The following ATG14 variants were observed in gnomAD, a reference collection of about 807,000 sequenced individuals.
The protein encoded by ATG14 is autophagy related 14, also known as beclin 1-associated autophagy-related key regulator.
Under a neutral mutation model 60.4 loss-of-function variants are expected in ATG14, and 35 were observed. The observed-to-expected ratio is 0.58, with a 90% CI of 0.44 to 0.77. The LOEUF (loss-of-function observed/expected upper bound fraction) is 0.77. ATG14 is among the 30% of genes least tolerant of loss of function. ATG14 has a pLI of 0.00. For synonymous variants in ATG14, 234 were observed against 228.8 expected (o/e 1.02, Z -0.21); for missense variants, 647 against 626.3 (o/e 1.03, Z -0.35).
chr14:55,379,859 T>C (rs1884995200), intron 7 of ATG14, among the ~76,000 whole-genome samples: 1 of 152,326 alleles, frequency 6.6e-6, no homozygotes, highest in East Asian at 1.9e-4. Context: ...ATAGCTGGGA[T>C]ACAGGCGCAG....
intron 1 of ATG14, among the ~76,000 whole-genome samples, chr14:55,402,927 ATATATAT>A (rs1212359535): frequency 2.2e-4 from 2 of 8,920 alleles, no homozygotes; most frequent in African/African-American, 6.6e-4. Flanking sequence ...AAAAAAAAAA[ATATATAT>A]ATATATATAT....
chr14:55,375,490 A>AATTTTTTTTTTTTTTT (rs1555341540), intron 9 of ATG14, among the ~76,000 whole-genome samples: 1 of 117,798 alleles, frequency 8.5e-6, no homozygotes. Context: ...GCCGGGCTAA[A>AATTTTTTTTTTTTTTT]TTTTTTTTTT....
At position 55,367,219 on chromosome 14, in the gene ATG14, C is replaced by CA. The variant is rs1884699101; in HGVS notation, c.*2399dup. 3 of 152,338 alleles carry CA rather than the reference C, an allele frequency of 2.0e-5. No homozygotes were observed. In the South Asian group the frequency reaches 6.2e-4, roughly 32 times the overall value. 9.4% of individuals were successfully genotyped at this position (152,338 alleles called of 1,614,324 possible). On this transcript the variant is annotated 3_prime_UTR_variant, in exon 10 of 10. Coordinates refer to ENST00000247178, the MANE Select transcript of ATG14 (RefSeq NM_014924.5). ...CTGTTGTGCATCTCTCAGCTGAAGTCAGTCTCCACCACCAAGCTCCAAATC... is the reference window on the plus strand; with the variant it reads ...CTGTTGTGCATCTCTCAGCTGAAGTCAAGTCTCCACCACCAAGCTCCAAATC...
At chr14:55,398,700 T>G (rs1056351684) in intron 1 of ATG14, among the ~76,000 whole-genome samples, 10 of 152,286 alleles carry the variant, frequency 6.6e-5, no homozygotes, top group African/African-American at 2.4e-4. Flanking sequence ...GTGGAGAAAG[T>G]TCCACGCGTA....
chr14:55,406,026 C>A (rs1051391074), intron 1 of ATG14, among the ~76,000 whole-genome samples: 3 of 151,998 alleles, frequency 2.0e-5, no homozygotes, highest in African/African-American at 7.2e-5. Context: ...CATCGAACAA[C>A]GACAAAAAAA....
rs1470110428 is a variant in ATG14, at chr14:55,368,166, T to C, written c.*1453A>G. On this transcript the variant is annotated 3_prime_UTR_variant, in exon 10 of 10. Transcript: ENST00000247178. ...CTCTCATTATAGTTTTCTTGTAAGA[T>C]TGTCACTAAAAGAATGACAAGACAC... 1 of 152,668 alleles carries C rather than the reference T, an allele frequency of 6.6e-6. No homozygotes were observed. Among genetic ancestry groups the C allele is most frequent in the Non-Finnish European group, 1.5e-5 (1 of 68,040 alleles). 9.5% of individuals were successfully genotyped at this position (152,668 alleles called of 1,614,324 possible).
chr14:55,388,411 T>C (rs1335536865), intron 4 of ATG14, among the ~76,000 whole-genome samples: 2 of 152,168 alleles, frequency 1.3e-5, no homozygotes. Flanking sequence ...CAGCAGGCAG[T>C]CATCCTCTCT....
chr14:55,374,020 C>T (rs1212031867), intron 9 of ATG14, among the ~76,000 whole-genome samples: 1 of 152,138 alleles, frequency 6.6e-6, no homozygotes, highest in African/African-American at 2.4e-5. Context: ...GTGCAATTCT[C>T]AATGGAAAAC....
At chr14:55,394,804 T>A in intron 3 of ATG14, 1 of 254,710 alleles carries the variant, frequency 3.9e-6, no homozygotes, top group Non-Finnish European at 7.7e-6. Flanking sequence ...TTAGTATGCC[T>A]GGTATTATAG....
chr14:55,375,912 T>C (rs565846250), intron 9 of ATG14, among the ~76,000 whole-genome samples: 5 of 152,328 alleles, frequency 3.3e-5, no homozygotes, highest in Non-Finnish European at 7.4e-5. Context: ...TCCTTGTAGG[T>C]TTATGATAGA....
intron 1 of ATG14, among the ~76,000 whole-genome samples, chr14:55,407,932 G>C (rs1177656635): frequency 6.6e-6 from 1 of 152,086 alleles, no homozygotes; most frequent in East Asian, 1.9e-4. Context: ...AAACGGCAAG[G>C]AAAAAGCCCC....
At chr14:55,403,433 T>C (rs535036586) in intron 1 of ATG14, among the ~76,000 whole-genome samples, 1 of 152,294 alleles carries the variant, frequency 6.6e-6, no homozygotes, top group Admixed American at 6.5e-5. Flanking sequence ...AGTTCCTTCA[T>C]TCAGCTTACT....
Position 55,370,866 on chromosome 14 carries a change from C to A in ATG14, c.1173-941G>T, listed in dbSNP as rs1009578267. 3.3e-5 allele frequency among the ~76,000 whole-genome samples: 5 copies of A among 152,240 alleles called. No homozygotes were observed. The East Asian group carries it at 9.6e-4, about 29-fold the overall frequency. On this transcript the variant is annotated intron_variant, in intron 9 of 9. Transcript: ENST00000247178. ...ACGTTGGCCAGGCTGGTCTTGAACTCCTGACCTCAAGTGATCCACCCACCC... is the reference window on the plus strand; with the variant it reads ...ACGTTGGCCAGGCTGGTCTTGAACTACTGACCTCAAGTGATCCACCCACCC...
chr14:55,373,806 A>T (rs1023019909), intron 9 of ATG14, among the ~76,000 whole-genome samples: 1 of 64,042 alleles, frequency 1.6e-5, no homozygotes. Context: ...ATTTGTTTCA[A>T]AAAAAAAAAA....
intron 3 of ATG14, among the ~76,000 whole-genome samples, chr14:55,393,717 G>A (rs779599504): frequency 2.5e-4 from 38 of 151,598 alleles, no homozygotes; most frequent in Non-Finnish European, 4.7e-4. Context: ...GCTAATTTTT[G>A]GTTTTTGTTC....
chr14:55,371,761 G>A (rs1006003952), intron 9 of ATG14, among the ~76,000 whole-genome samples: 1 of 151,716 alleles, frequency 6.6e-6, no homozygotes, highest in Non-Finnish European at 1.5e-5. Flanking sequence ...CCGAGATGGC[G>A]CCAGTGCACT....
In ATG14 at chr14:55,411,691, C is replaced by A. The variant is rs1247031063; in HGVS notation, c.132G>T (p.Pro44=). Reference sequence around the variant, plus strand: ...GCCGCCGGCGGGTAGTGTTGCACAGCGGGCAGCGCTCCACAGCCACGTACA... The same window carrying A: ...GCCGCCGGCGGGTAGTGTTGCACAGAGGGCAGCGCTCCACAGCCACGTACA... ...EGLYVAVERC[P]LCNTTRRRLT... is the part of the protein sequence containing the mutation. The change falls in exon 1 of 10, where the codon CCG becomes CCT. Residue 44 remains proline (P), a synonymous_variant. Transcript: ENST00000247178. 6.2e-7 allele frequency: 1 copy of A among 1,613,130 alleles called. No individual in the cohort carries two copies. The highest frequency in any genetic ancestry group is 1.7e-5 in the Admixed American group (1 of 59,986).
intron 7 of ATG14, 48 bp from the exon 8 acceptor site, chr14:55,378,122 TCTATG>T: frequency 1.3e-6 from 2 of 1,530,540 alleles, no homozygotes; most frequent in Non-Finnish European, 1.8e-6. Context: ...TTGAGGAAAT[TCTATG>T]TTAAAATTTC....
At chr14:55,370,383 C>T (rs962889520) in intron 9 of ATG14, among the ~76,000 whole-genome samples, 1 of 147,278 alleles carries the variant, frequency 6.8e-6, no homozygotes, top group Non-Finnish European at 1.5e-5. Context: ...CAGTGGGTTC[C>T]TGTACATATT....
Sources: gnomAD v4.1 joint callset for allele counts (sites outside exome capture counted in the v4.1 genomes callset) on GRCh38, gnomAD v4.1.1 for gene constraint, MANE v1.5 for transcripts, NCBI Gene and HGNC (gene_info 2026-07-23, HGNC 2026-07-21) for gene names.